The following LHFPL2 variants were observed in gnomAD, a reference collection of about 807,000 sequenced individuals.
The protein encoded by LHFPL2 is LHFPL tetraspan subfamily member 2, also known as LHFPL tetraspan subfamily member 2 protein.
A neutral mutation model predicts 17.5 loss-of-function variants in LHFPL2; 7 were observed. The observed-to-expected ratio is 0.40, with a 90% CI of 0.23 to 0.75. LHFPL2 has a LOEUF of 0.75. LHFPL2 is among the 30% of genes least tolerant of loss of function. The pLI, the probability that LHFPL2 is intolerant of heterozygous loss-of-function variation, is 0.37. For missense variants in LHFPL2, 241 were observed against 294.8 expected (o/e 0.82, Z 1.34); for synonymous variants, 134 against 116.2 (o/e 1.15, Z -0.99).
intron 3 of LHFPL2, among the ~76,000 whole-genome samples, chr5:78,536,200 G>C (rs1418343837): frequency 6.6e-6 from 1 of 152,192 alleles, no homozygotes; most frequent in Non-Finnish European, 1.5e-5. Flanking sequence ...ACTCATTTCG[G>C]GGCTGGGGAG....
chr5:78,510,547 G>A lies in LHFPL2; in HGVS notation c.-185-149C>T, dbSNP rs1051236426. 1.5e-5 allele frequency: 5 copies of A among 330,762 alleles called. No homozygotes were observed. In the East Asian group the frequency reaches 2.5e-4, roughly 17 times the overall value. 20.5% of individuals were successfully genotyped at this position (330,762 alleles called of 1,614,324 possible). A position where few individuals can be genotyped will look rare whatever the true frequency, so the allele number is the denominator to read the frequency against. On this transcript the variant is annotated intron_variant, in intron 3 of 4. Coordinates refer to ENST00000380345, the MANE Select transcript of LHFPL2 (RefSeq NM_005779.3). The stretch of plus-strand genomic sequence containing the variant: ...TAGCATGCCAGGCGGTTGTTGCACT[G>A]GCTGCGTTTGTTTCAAGTTCTTCCT...
At chr5:78,523,666 C>T (rs1267809873) in intron 3 of LHFPL2, among the ~76,000 whole-genome samples, 1 of 152,170 alleles carries the variant, frequency 6.6e-6, no homozygotes, top group East Asian at 1.9e-4. Context: ...TTGACAGTCA[C>T]AGCCTGAGAA....
chr5:78,625,774 G>A (rs908571222), intron 2 of LHFPL2: 6 of 152,210 alleles, frequency 3.9e-5, no homozygotes, highest in Non-Finnish European at 7.3e-5. Context: ...CCAAAGGTAT[G>A]AAGGTGAACA....
intron 4 of LHFPL2, chr5:78,491,299 C>CT (rs532438451): frequency 2.0e-5 from 3 of 152,266 alleles, no homozygotes; most frequent in Non-Finnish European, 2.9e-5. Flanking sequence ...CCCCACGGCC[C>CT]TCTCTATAGA....
intron 3 of LHFPL2, among the ~76,000 whole-genome samples, chr5:78,515,308 G>A (rs1260267875): frequency 6.9e-6 from 1 of 144,032 alleles, no homozygotes; most frequent in Non-Finnish European, 1.5e-5. Context: ...ACTATTTGAA[G>A]ATACTGGGCT....
At chr5:78,632,233 A>G (rs1367067733) in intron 2 of LHFPL2, 31 bp downstream of exon 2, 2 of 152,182 alleles carry the variant, frequency 1.3e-5, no homozygotes, top group Admixed American at 1.3e-4. Flanking sequence ...ATCAGAGTGC[A>G]TTGTCATATC....
chr5:78,585,093 A>G (rs1347219056), intron 2 of LHFPL2, among the ~76,000 whole-genome samples: 1 of 74,866 alleles, frequency 1.3e-5, no homozygotes, highest in Admixed American at 1.8e-4. Context: ...TGCAAGCTCC[A>G]CCTCCCGGGT....
At chr5:78,548,288 T>C (rs1756345047) in intron 3 of LHFPL2, among the ~76,000 whole-genome samples, 1 of 152,210 alleles carries the variant, frequency 6.6e-6, no homozygotes. Flanking sequence ...CCTTGGGGCA[T>C]GGAGAAGGTA....
At chr5:78,611,150 T>C (rs1208709825) in intron 2 of LHFPL2, among the ~76,000 whole-genome samples, 1 of 152,214 alleles carries the variant, frequency 6.6e-6, no homozygotes, top group African/African-American at 2.4e-5. Context: ...AAGTGTCCAC[T>C]AAGCAAGGGC....
At chr5:78,606,762 C>T (rs1561362225) in intron 2 of LHFPL2, among the ~76,000 whole-genome samples, 1 of 152,104 alleles carries the variant, frequency 6.6e-6, no homozygotes, top group South Asian at 2.1e-4. Context: ...GCAACCTCCA[C>T]CTCCCAGGTT....
chr5:78,522,891 G>A (rs1561320260), intron 3 of LHFPL2, among the ~76,000 whole-genome samples: 1 of 152,148 alleles, frequency 6.6e-6, no homozygotes, highest in Non-Finnish European at 1.5e-5. Context: ...TATGATATCT[G>A]GGAAGTAAAC....
At chr5:78,594,104 A>AG (rs1363491791) in intron 2 of LHFPL2, among the ~76,000 whole-genome samples, 1 of 152,244 alleles carries the variant, frequency 6.6e-6, no homozygotes, top group Admixed American at 6.5e-5. Context: ...AGCTTGCCCA[A>AG]GGTTTCAGAG....
intron 3 of LHFPL2, among the ~76,000 whole-genome samples, chr5:78,536,146 C>T (rs1291110042): frequency 6.6e-6 from 1 of 152,152 alleles, no homozygotes; most frequent in Non-Finnish European, 1.5e-5. Flanking sequence ...TGAACGTGAT[C>T]CCATGGAGAG....
chr5:78,637,362 T>TA lies in LHFPL2; in HGVS notation c.-349-4995dup, dbSNP rs376823315. Among the ~76,000 whole-genome samples, 1,218 of 142,824 alleles carry TA rather than the reference T, an allele frequency of 8.5e-3. 17 individuals carry two copies. Among genetic ancestry groups the TA allele is most frequent in the African/African-American group, 0.03 (1,146 of 37,774 alleles). 93.7% of individuals were successfully genotyped at this position (142,824 alleles called of 152,430 possible). A position where few individuals can be genotyped will look rare whatever the true frequency, so the allele number is the denominator to read the frequency against. Reference sequence around the variant, plus strand: ...AAACTTATGGAATATAACCAACATGTAATGAGGAAATCATTTTAACTAGCT... The same window carrying TA: ...AAACTTATGGAATATAACCAACATGTAAATGAGGAAATCATTTTAACTAGCT... On this transcript the variant is annotated intron_variant, in intron 1 of 4. Coordinates refer to ENST00000380345, the MANE Select transcript of LHFPL2 (RefSeq NM_005779.3).
chr5:78,495,565 G>T (rs567990724), intron 4 of LHFPL2, among the ~76,000 whole-genome samples: 5 of 152,246 alleles, frequency 3.3e-5, no homozygotes, highest in Admixed American at 3.3e-4. Context: ...GAAATTCTAA[G>T]AACAGAAACA....
In LHFPL2 at chr5:78,517,734, T is replaced by C. The variant is rs1320964198; in HGVS notation, c.-185-7336A>G. On this transcript the variant is annotated intron_variant, in intron 3 of 4. Coordinates refer to ENST00000380345, the MANE Select transcript of LHFPL2 (RefSeq NM_005779.3). Reference sequence around the variant, plus strand: ...ATTACCTCCCATTGGGTCCCTCCCATGACATGTGGGGATTATGGGAGCTAC... The same window carrying C: ...ATTACCTCCCATTGGGTCCCTCCCACGACATGTGGGGATTATGGGAGCTAC... Among the ~76,000 whole-genome samples the C allele has an allele frequency of 2.0e-5, 3 of 152,154 alleles. 1 individual carries two copies. The highest frequency in any genetic ancestry group is 4.4e-5 in the Non-Finnish European group (3 of 68,030).
intron 3 of LHFPL2, among the ~76,000 whole-genome samples, chr5:78,563,521 C>A (rs977546741): frequency 5.3e-5 from 8 of 151,938 alleles, no homozygotes; most frequent in Admixed American, 6.6e-5. Flanking sequence ...CATGGTGAAA[C>A]CCCGTCTCTA....
chr5:78,638,122 AG>A (rs1303910633), intron 1 of LHFPL2, among the ~76,000 whole-genome samples: 3 of 152,138 alleles, frequency 2.0e-5, no homozygotes, highest in African/African-American at 4.8e-5. Flanking sequence ...TGGGAGGCCG[AG>A]GCAGGTGGAT....
At chr5:78,581,600 T>C (rs1230621036) in intron 2 of LHFPL2, among the ~76,000 whole-genome samples, 1 of 152,206 alleles carries the variant, frequency 6.6e-6, no homozygotes, top group East Asian at 1.9e-4. Flanking sequence ...ATTTATTGAT[T>C]TGCGTATATT....
Sources: gnomAD v4.1 joint callset for allele counts (sites outside exome capture counted in the v4.1 genomes callset) on GRCh38, gnomAD v4.1.1 for gene constraint, MANE v1.5 for transcripts, NCBI Gene and HGNC (gene_info 2026-07-23, HGNC 2026-07-21) for gene names.